The following ANKRD26 variants were observed in gnomAD, a reference collection of about 807,000 sequenced individuals.
ANKRD26 encodes ankyrin repeat domain-containing protein 26.
A neutral mutation model predicts 208.7 loss-of-function variants in ANKRD26; 141 were observed. That is an observed-to-expected ratio of 0.68 (90% CI 0.59 to 0.78). The LOEUF is 0.78. ANKRD26 is among the 30% of genes least tolerant of loss of function. The pLI, the probability that ANKRD26 is intolerant of heterozygous loss-of-function variation, is 0.00. For missense variants in ANKRD26, 1,889 were observed against 1,938.7 expected, an observed-to-expected ratio of 0.97 and a Z score of 0.48; for synonymous variants, 636 against 660.4, an observed-to-expected ratio of 0.96 and a Z score of 0.57.
rs552216629 is a variant in ANKRD26, at chr10:27,053,044, T to C, written c.1635+276A>G. On this transcript the variant is annotated intron_variant, in intron 16 of 33. Coordinates refer to ENST00000376087, the MANE Select transcript of ANKRD26 (RefSeq NM_014915.3). The stretch of plus-strand genomic sequence containing the variant: ...TTATCATATAAGGAAGTTATAAAAA[T>C]GAAAGAGGAAACAATACTCAGGAAA... Among the ~76,000 whole-genome samples the C allele has an allele frequency of 4.4e-4, 67 of 152,208 alleles. No individual in the cohort carries two copies. In the Middle Eastern group the frequency reaches 0.01, roughly 23 times the overall value.
intron 20 of ANKRD26, among the ~76,000 whole-genome samples, chr10:27,041,581 T>C (rs2054241228): frequency 6.6e-6 from 1 of 152,188 alleles, no homozygotes; most frequent in Non-Finnish European, 1.5e-5. Flanking sequence ...AGAAGATAAG[T>C]GGAGGCATGG....
At chr10:27,061,024 G>A in intron 13 of ANKRD26, 120 bp downstream of exon 13, 1 of 788,864 alleles carries the variant, frequency 1.3e-6, no homozygotes, top group Non-Finnish European at 2.2e-6. Context: ...ACACAGTTAT[G>A]ATGCCACTTT....
chr10:26,980,862 G>A (rs2052296732), intron 4 of ANKRD26, among the ~76,000 whole-genome samples: 2 of 152,166 alleles, frequency 1.3e-5, no homozygotes, highest in South Asian at 4.1e-4. Flanking sequence ...GAAGAACCAA[G>A]GGGGATGTAA....
intron 1 of ANKRD26, 116 bp downstream of exon 1, chr10:27,099,969 G>T: frequency 6.5e-7 from 1 of 1,545,848 alleles, no homozygotes; most frequent in African/African-American, 1.4e-5. Context: ...ACCGTCCCAG[G>T]GGCTACGGAG....
In ANKRD26 at chr10:27,093,806, G is replaced by A; in HGVS notation, c.243-7C>T. On this transcript the variant is annotated splice_region_variant and splice_polypyrimidine_tract_variant and intron_variant, in intron 1 of 33. Coordinates refer to ENST00000376087, the MANE Select transcript of ANKRD26 (RefSeq NM_014915.3). ...GGCCAAATGTAGAGCCGTCCTATGAGAGTGACAGGACTTTTTATAAACTGT... is the reference window on the plus strand; with the variant it reads ...GGCCAAATGTAGAGCCGTCCTATGAAAGTGACAGGACTTTTTATAAACTGT... 6.2e-7 allele frequency: 1 copy of A among 1,600,618 alleles called. No individual in the cohort carries two copies. Among genetic ancestry groups the A allele is most frequent in the Middle Eastern group, 1.7e-4 (1 of 6,036 alleles).
Position 26,978,993 on chromosome 10 carries a change from C to T in ANKRD26, c.*281+1583G>A, listed in dbSNP as rs971950195. ...ATCCCAGCACTTTGGGAGGCCGAGG[C>T]GGGCGGATCACGAGGTCAGTAGATC... On this transcript the variant is annotated intron_variant and NMD_transcript_variant, in intron 5 of 5. Coordinates refer to the ANKRD26 transcript ENST00000674670. Among the ~76,000 whole-genome samples the T allele has an allele frequency of 2.0e-5, 3 of 152,044 alleles. No homozygotes were observed. The South Asian group carries it at 6.2e-4, about 32-fold the overall frequency.
At position 27,077,444 on chromosome 10, in the gene ANKRD26, G is replaced by C. The variant is rs2055739892; in HGVS notation, c.971C>G (p.Pro324Arg). Residue 324 changes from proline to arginine, a missense_variant, in exon 9 of 34, where the codon CCT becomes CGT. Around this residue, in one of 3 missense-constraint regions of ANKRD26, gnomAD observed 1,272 missense variants for 1,273.8 expected, o/e 1.00. Coordinates refer to ENST00000376087, the MANE Select transcript of ANKRD26 (RefSeq NM_014915.3). ...SQDEVVVESL[P>R]TTSIKVQCFS... Reference sequence around the variant, plus strand: ...GCACTGGACTTTGATTGATGTTGTAGGAAGGCTTTCAACCACAACTTCATC... The same window carrying C: ...GCACTGGACTTTGATTGATGTTGTACGAAGGCTTTCAACCACAACTTCATC... 1 of 1,613,792 alleles carries C rather than the reference G, an allele frequency of 6.2e-7. No individual in the cohort carries two copies. The highest frequency in any genetic ancestry group is 1.3e-5 in the African/African-American group (1 of 74,922).
At chr10:26,972,271 A>T (rs1449444518), downstream of ANKRD26, among the ~76,000 whole-genome samples, 2 of 151,782 alleles carry the variant, frequency 1.3e-5, no homozygotes, top group African/African-American at 4.8e-5. Context: ...AGTCCAAAAA[A>T]TTATTCACTC....
intron 15 of ANKRD26, among the ~76,000 whole-genome samples, chr10:27,055,578 G>A (rs1229131040): frequency 1.3e-5 from 2 of 152,168 alleles, no homozygotes; most frequent in African/African-American, 4.8e-5. Flanking sequence ...ATTAGATGCA[G>A]TTAATCAACA....
In ANKRD26 at chr10:27,005,723, G is replaced by T; in HGVS notation, c.5000C>A (p.Ala1667Asp). The change falls in exon 34 of 34, where the codon GCT (alanine) becomes GAT (aspartate). Residue 1667 changes from alanine to aspartate, a missense_variant and splice_region_variant. By Grantham distance (126) the Ala-to-Asp change is moderately radical. Around this residue, in one of 3 missense-constraint regions of ANKRD26, gnomAD observed 613 missense variants for 648.2 expected, o/e 0.95. Transcript: ENST00000376087. ...TGATCCAGATTCCAATTCAGCAGCA[G>T]CTAGAATGAAAAAGAAAGAATTATA... Reference protein sequence around the residue: ...EKNITRELKEAAAELESGSIA... With the variant: ...EKNITRELKEDAAELESGSIA... 6.2e-7 allele frequency: 1 copy of T among 1,605,368 alleles called. No individual in the cohort carries two copies. Among genetic ancestry groups the T allele is most frequent in the Non-Finnish European group, 8.5e-7 (1 of 1,176,396 alleles).
downstream of ANKRD26, among the ~76,000 whole-genome samples, chr10:27,002,764 G>A (rs532367848): frequency 6.6e-6 from 1 of 152,152 alleles, no homozygotes; most frequent in South Asian, 2.1e-4. Context: ...GACTATTTTT[G>A]AACACAAAAA....
chr10:27,072,690 C>T (rs1380749155), intron 9 of ANKRD26, among the ~76,000 whole-genome samples: 2 of 152,202 alleles, frequency 1.3e-5, no homozygotes, highest in African/African-American at 2.4e-5. Context: ...ACAACGTCTG[C>T]AAGCACAATG....
chr10:26,956,692 A>G, the ANKRD26 span, among the ~76,000 whole-genome samples: 1 of 151,950 alleles, frequency 6.6e-6, no homozygotes, highest in African/African-American at 2.4e-5. Context: ...CTGCCTCAGG[A>G]AGTTCTAGAA....
At chr10:26,984,083 T>C (rs1231539703) in intron 3 of ANKRD26, among the ~76,000 whole-genome samples, 1 of 151,876 alleles carries the variant, frequency 6.6e-6, no homozygotes, top group Non-Finnish European at 1.5e-5. Flanking sequence ...CAAGAAGGCA[T>C]AGGAAAAGAG....
intron 25 of ANKRD26, chr10:27,030,270 T>C: frequency 1.7e-6 from 1 of 589,500 alleles, no homozygotes; most frequent in East Asian, 1.4e-4. Flanking sequence ...CACAGAACTT[T>C]TGCCAATTCC....
chr10:27,070,122 A>G (rs79054237), intron 9 of ANKRD26, among the ~76,000 whole-genome samples: 15 of 148,426 alleles, frequency 1.0e-4, no homozygotes, highest in Non-Finnish European at 1.8e-4. Flanking sequence ...AAAAAAAAAA[A>G]GGCCAGGCGT....
At chr10:27,008,960 C>T (rs1174244128) in intron 32 of ANKRD26, among the ~76,000 whole-genome samples, 3 of 152,166 alleles carry the variant, frequency 2.0e-5, no homozygotes, top group East Asian at 1.9e-4. Flanking sequence ...CTGCCTCAGC[C>T]TCCTGAGTAG....
downstream of ANKRD26, among the ~76,000 whole-genome samples, chr10:26,999,742 C>T (rs2052676943): frequency 6.7e-6 from 1 of 149,104 alleles, no homozygotes; most frequent in African/African-American, 2.5e-5. Flanking sequence ...AGTGAAAATT[C>T]CACACTCATA....
At chr10:26,982,412 C>T (rs915900192) in intron 4 of ANKRD26, among the ~76,000 whole-genome samples, 2 of 152,000 alleles carry the variant, frequency 1.3e-5, no homozygotes, top group Non-Finnish European at 2.9e-5. Context: ...CTTTCATATT[C>T]CCCCAGCTTC....
Sources: allele counts gnomAD v4.1 joint callset (sites outside exome capture counted in the v4.1 genomes callset), GRCh38; gene constraint gnomAD v4.1.1; regional missense constraint gnomAD v4.1.1; transcripts MANE v1.5; gene names NCBI Gene and HGNC (gene_info 2026-07-23, HGNC 2026-07-21).